Variants in VWA3A observed in about 807,000 individuals in gnomAD.
VWA3A encodes von Willebrand factor A domain-containing protein 3A.
Under a neutral mutation model 160.4 loss-of-function variants are expected in VWA3A, and 134 were observed. That is an observed-to-expected ratio of 0.84 (90% CI 0.73 to 0.96). The LOEUF is 0.96. VWA3A is among the 40% of genes least tolerant of loss of function. The probability of loss-of-function intolerance (pLI) is 0.00; values close to 1 mark genes in which losing one functional copy is unlikely to be tolerated. For missense variants in VWA3A, 1,310 were observed against 1,447.9 expected (o/e 0.90, Z 1.55); for synonymous variants, 476 against 543.4 (o/e 0.88, Z 1.72).
chr16:22,143,925 A>G (rs963409230), intron 25 of VWA3A, among the ~76,000 whole-genome samples: 11 of 151,534 alleles, frequency 7.3e-5, no homozygotes, highest in African/African-American at 2.7e-4. Flanking sequence ...TATTTAGTAG[A>G]GATGGGGTTT....
intron 30 of VWA3A, among the ~76,000 whole-genome samples, chr16:22,151,321 T>C (rs1042374661): frequency 5.9e-5 from 9 of 151,938 alleles, no homozygotes; most frequent in African/African-American, 1.9e-4. Context: ...GGAGAAGCAT[T>C]GTTTTTCTAG....
At chr16:22,141,518 G>A (rs2046148974) in intron 23 of VWA3A, 64 bp from the exon 24 acceptor site, 1 of 1,477,752 alleles carries the variant, frequency 6.8e-7, no homozygotes, top group Non-Finnish European at 9.3e-7. Context: ...TCTAAGCCAA[G>A]CTGGACAGCT....
intron 1 of VWA3A, among the ~76,000 whole-genome samples, chr16:22,093,403 T>G (rs1020226456): frequency 2.6e-5 from 4 of 152,154 alleles, no homozygotes; most frequent in Non-Finnish European, 5.9e-5. Flanking sequence ...GAGGTGCTGT[T>G]TGAGTTAAGG....
chr16:22,143,567 T>C (rs567589607), intron 25 of VWA3A, among the ~76,000 whole-genome samples: 1 of 152,112 alleles, frequency 6.6e-6, no homozygotes, highest in Non-Finnish European at 1.5e-5. Flanking sequence ...TTTAGACCAA[T>C]CAGGGCTTTC....
At chr16:22,146,642 G>C (rs902166086) in intron 27 of VWA3A, among the ~76,000 whole-genome samples, 3 of 152,114 alleles carry the variant, frequency 2.0e-5, no homozygotes, top group Admixed American at 1.3e-4. Context: ...AAATTAGCCA[G>C]GCATGGTGGC....
chr16:22,148,166 C>A lies in VWA3A; in HGVS notation c.2844C>A (p.Ser948Arg). ...TCCCCACCTGTCTCGGAGCAGGGAG[C>A]CGCCGACTGTTTGGCACCGTTTTGG... ...VQRLQWLLSG[S>R]RRLFGTVLES... is the part of the protein sequence containing the mutation. Residue 948 changes from serine (S) to arginine (R), a missense_variant, in exon 28 of 34, where the codon AGC becomes AGA. Ser to Arg is a moderately radical substitution (Grantham distance 110). Coordinates refer to ENST00000389398, the MANE Select transcript of VWA3A (RefSeq NM_173615.5). 6.3e-7 allele frequency: 1 copy of A among 1,598,406 alleles called. No individual in the cohort carries two copies. Among genetic ancestry groups the A allele is most frequent in the Non-Finnish European group, 8.5e-7 (1 of 1,172,702 alleles).
intron 26 of VWA3A, 69 bp downstream of exon 26, chr16:22,144,453 G>A (rs1005455083): frequency 3.2e-6 from 5 of 1,566,134 alleles, no homozygotes; most frequent in East Asian, 4.5e-5. Flanking sequence ...AGAGAGCAGT[G>A]TAGGGCACTG....
chr16:22,155,479 G>A (rs190230245), intron 31 of VWA3A, 88 bp from the exon 32 acceptor site: 103 of 1,171,270 alleles, frequency 8.8e-5, no homozygotes, highest in African/African-American at 7.7e-4. Flanking sequence ...AAACCAGAAC[G>A]TGATTAGCTC....
At chr16:22,135,232 G>C (rs112695360) in intron 21 of VWA3A, among the ~76,000 whole-genome samples, 2 of 142,658 alleles carry the variant, frequency 1.4e-5, no homozygotes, top group Non-Finnish European at 1.5e-5. Context: ...TAGAGGAGCC[G>C]GCTAAAGTTC....
intron 9 of VWA3A, 100 bp from the exon 10 acceptor site, chr16:22,116,659 A>G: frequency 1.1e-6 from 1 of 938,926 alleles, no homozygotes; most frequent in South Asian, 1.4e-5. Context: ...GTGGCCAGTT[A>G]AGAATGGGTA....
chr16:22,116,309 A>C (rs777113326), intron 9 of VWA3A: 1 of 432,666 alleles, frequency 2.3e-6, no homozygotes, highest in South Asian at 1.7e-5. Context: ...GAGAGAAAAA[A>C]GAGAAAGGAA....
chr16:22,121,667 G>A, intron 14 of VWA3A, 50 bp downstream of exon 14: 1 of 1,456,370 alleles, frequency 6.9e-7, no homozygotes, highest in Non-Finnish European at 9.6e-7. Context: ...GAGCTCCCTT[G>A]TGGCTTTTCC....
chr16:22,111,680 A>G (rs964997678), intron 8 of VWA3A, among the ~76,000 whole-genome samples: 3 of 151,626 alleles, frequency 2.0e-5, no homozygotes, highest in Non-Finnish European at 4.4e-5. Flanking sequence ...ACAGGGTTTC[A>G]CCATGTTGGC....
At position 22,121,104 on chromosome 16, in the gene VWA3A, G is replaced by A. The variant is rs1473330747; in HGVS notation, c.1252+1G>A. On this transcript the variant is annotated splice_donor_variant, in intron 13 of 33. Coordinates refer to ENST00000389398, the MANE Select transcript of VWA3A (RefSeq NM_173615.5). LOFTEE classifies it high-confidence loss of function. ...TGGCTTAAGGTCAATGGTCTGAAAGGTAAATCTCCAAAGAGGGCAGAACCC... is the reference window on the plus strand; with the variant it reads ...TGGCTTAAGGTCAATGGTCTGAAAGATAAATCTCCAAAGAGGGCAGAACCC... The A allele has an allele frequency of 6.2e-7, 1 of 1,613,774 alleles. No individual in the cohort carries two copies. The highest frequency in any genetic ancestry group is 1.3e-5 in the African/African-American group (1 of 74,902).
At chr16:22,110,492 G>A (rs1438142764) in intron 7 of VWA3A, among the ~76,000 whole-genome samples, 1 of 152,204 alleles carries the variant, frequency 6.6e-6, no homozygotes, top group Non-Finnish European at 1.5e-5. Context: ...CCCAGGTGGA[G>A]TGGTCTACTA....
Position 22,148,265 on chromosome 16 carries a change from G to C in VWA3A, c.2943G>C (p.Leu981=). The C allele has an allele frequency of 6.3e-7, 1 of 1,597,850 alleles. No individual in the cohort carries two copies. The highest frequency in any genetic ancestry group is 8.5e-7 in the Non-Finnish European group (1 of 1,172,604). The change falls in exon 28 of 34, where the codon CTG becomes CTC. Residue 981 remains leucine, a synonymous_variant. Transcript: ENST00000389398. ...GPYLQQVKTE[L]VLLIWEQLRK... Reference sequence around the variant, plus strand: ...ACCTGCAGCAGGTGAAGACAGAGCTGGTTTTGCTGATTTGGGAACAGCTGC... The same window carrying C: ...ACCTGCAGCAGGTGAAGACAGAGCTCGTTTTGCTGATTTGGGAACAGCTGC...
chr16:22,101,510 C>T (rs973319271), intron 5 of VWA3A, among the ~76,000 whole-genome samples: 9 of 152,148 alleles, frequency 5.9e-5, no homozygotes, highest in African/African-American at 2.2e-4. Context: ...TTAATGGACT[C>T]ACAGTTCCAC....
chr16:22,095,781 T>C (rs951796641), intron 1 of VWA3A, among the ~76,000 whole-genome samples: 3 of 152,064 alleles, frequency 2.0e-5, no homozygotes, highest in Non-Finnish European at 4.4e-5. Context: ...AGGCTGGTCT[T>C]GAACTCCTGG....
chr16:22,122,241 A>G (rs987132286), intron 14 of VWA3A, among the ~76,000 whole-genome samples: 5 of 148,534 alleles, frequency 3.4e-5, no homozygotes, highest in Non-Finnish European at 6.0e-5. Flanking sequence ...GGGTGGATGA[A>G]TGGATGGATG....
Sources: gnomAD v4.1 joint callset for allele counts (sites outside exome capture counted in the v4.1 genomes callset) on GRCh38, gnomAD v4.1.1 for gene constraint, MANE v1.5 for transcripts, NCBI Gene and HGNC (gene_info 2026-07-23, HGNC 2026-07-21) for gene names.